Variants in SH3GL2 observed in about 807,000 individuals in gnomAD.
The protein encoded by SH3GL2 is SH3 domain containing GRB2 like 2, endophilin A1, also known as endophilin-A1.
SH3GL2 carries 24 observed loss-of-function variants against 46.0 expected under a neutral mutation model. That is an observed-to-expected ratio of 0.52 (90% CI 0.38 to 0.73). SH3GL2 has a LOEUF of 0.73. Ranked by LOEUF, SH3GL2 falls within the 30% of genes least tolerant of loss-of-function variation. The pLI, the probability that SH3GL2 is intolerant of heterozygous loss-of-function variation, is 0.00. For missense variants in SH3GL2, 413 were observed against 424.2 expected (o/e 0.97, Z 0.23); for synonymous variants, 196 against 147.1 (o/e 1.33, Z -2.40).
At chr9:17,795,518 C>T in intron 8 of SH3GL2, 26 bp from the exon 9 acceptor site, 1 of 1,596,878 alleles carries the variant, frequency 6.3e-7, no homozygotes, top group Non-Finnish European at 8.6e-7. Flanking sequence ...TTGTGTTCTT[C>T]TCTTCTCTCC....
chr9:17,583,056 A>G (rs1245110303), intron 1 of SH3GL2, among the ~76,000 whole-genome samples: 3 of 152,130 alleles, frequency 2.0e-5, no homozygotes, highest in African/African-American at 4.8e-5. Flanking sequence ...ATTCTGAGCT[A>G]TTGTAATTAG....
In SH3GL2 at chr9:17,649,147, G is replaced by C. The variant is rs191742405; in HGVS notation, c.45+69860G>C. Among the ~76,000 whole-genome samples, 186 of 152,306 alleles carry C rather than the reference G, an allele frequency of 1.2e-3. 1 individual carries two copies. Among genetic ancestry groups the C allele is most frequent in the African/African-American group, 4.0e-3 (165 of 41,582 alleles). On this transcript the variant is annotated intron_variant, in intron 1 of 8. Transcript: ENST00000380607. ...AAAGAGTCTTACCCTGTCACCCACA[G>C]TGGACAGTGACATGATCTCAGCTCA...
At chr9:17,789,651 T>C (rs760776688) in intron 6 of SH3GL2, 101 bp downstream of exon 6, 1 of 1,534,492 alleles carries the variant, frequency 6.5e-7, no homozygotes, top group Non-Finnish European at 8.8e-7. Flanking sequence ...CTGATTACAC[T>C]ATGTGATAAG....
chr9:17,661,766 A>G (rs1820222042), intron 1 of SH3GL2, among the ~76,000 whole-genome samples: 1 of 152,208 alleles, frequency 6.6e-6, no homozygotes, highest in South Asian at 2.1e-4. Flanking sequence ...GAAAGGTAGC[A>G]TAGTATAGTG....
intron 1 of SH3GL2, among the ~76,000 whole-genome samples, chr9:17,722,837 G>A (rs1356665474): frequency 6.6e-6 from 1 of 152,074 alleles, no homozygotes; most frequent in Admixed American, 6.6e-5. Flanking sequence ...ATTCCAGTAG[G>A]ATGTGGCAGA....
intron 2 of SH3GL2, among the ~76,000 whole-genome samples, chr9:17,754,451 A>T (rs1330365964): frequency 6.6e-6 from 1 of 152,158 alleles, no homozygotes; most frequent in Non-Finnish European, 1.5e-5. Flanking sequence ...AGGTGGGCAG[A>T]TCATGAGGTC....
intron 1 of SH3GL2, among the ~76,000 whole-genome samples, chr9:17,621,893 A>G (rs1317471918): frequency 2.0e-5 from 3 of 152,114 alleles, no homozygotes; most frequent in Non-Finnish European, 2.9e-5. Context: ...GACTTTTTCT[A>G]CTTTGCCCAA....
chr9:17,592,625 A>G (rs1818505109), intron 1 of SH3GL2, among the ~76,000 whole-genome samples: 1 of 152,174 alleles, frequency 6.6e-6, no homozygotes, highest in Admixed American at 6.5e-5. Context: ...TTCCTCCTTC[A>G]CTAAATTAGA....
Position 17,699,065 on chromosome 9 carries a change from G to C in SH3GL2, c.46-48001G>C, listed in dbSNP as rs145722759. ...AGCTACTTGGGAGGCTGAGGCAGGG[G>C]AATCGCTTGAACCTCAGAGGCAGAG... On this transcript the variant is annotated intron_variant, in intron 1 of 8. Transcript: ENST00000380607. Among the ~76,000 whole-genome samples, 445 of 149,742 alleles carry C rather than the reference G, an allele frequency of 3.0e-3. 8 individuals carry two copies. Among genetic ancestry groups the C allele is most frequent in the African/African-American group, 9.9e-3 (405 of 40,756 alleles).
intron 1 of SH3GL2, among the ~76,000 whole-genome samples, chr9:17,693,824 A>G (rs774206409): frequency 6.6e-6 from 1 of 152,196 alleles, no homozygotes; most frequent in African/African-American, 2.4e-5. Flanking sequence ...ATAGACACTG[A>G]ACATCAGTAC....
At chr9:17,611,828 C>A (rs538657722) in intron 1 of SH3GL2, among the ~76,000 whole-genome samples, 1 of 152,192 alleles carries the variant, frequency 6.6e-6, no homozygotes, top group South Asian at 2.1e-4. Context: ...ACTTGCTGGC[C>A]CCAGGTCTGC....
At position 17,790,577 on chromosome 9, in the gene SH3GL2, C is replaced by T. The variant is rs868385354; in HGVS notation, c.625-654C>T. Among the ~76,000 whole-genome samples, 8 of 152,300 alleles carry T rather than the reference C, an allele frequency of 5.3e-5. No individual in the cohort carries two copies. The South Asian group carries it at 1.7e-3, about 32-fold the overall frequency. ...AGTGCTCCTTCCCTGCAACACAGCA[C>T]CCCTCCCCATCCCCAAATTCATGGG... On this transcript the variant is annotated intron_variant, in intron 6 of 8. Coordinates refer to ENST00000380607, the MANE Select transcript of SH3GL2 (RefSeq NM_003026.5).
At chr9:17,682,446 A>T (rs978433708) in intron 1 of SH3GL2, among the ~76,000 whole-genome samples, 4 of 152,082 alleles carry the variant, frequency 2.6e-5, no homozygotes, top group Non-Finnish European at 5.9e-5. Context: ...ATCCTCAGCA[A>T]ACTCACACAG....
intron 1 of SH3GL2, among the ~76,000 whole-genome samples, chr9:17,729,387 CA>C (rs35763335): frequency 1.3e-5 from 2 of 152,058 alleles, no homozygotes; most frequent in East Asian, 3.9e-4. Context: ...GGATAGATTG[CA>C]AAAATTTTCC....
chr9:17,660,063 T>G (rs1189711629), intron 1 of SH3GL2, among the ~76,000 whole-genome samples: 2 of 152,180 alleles, frequency 1.3e-5, no homozygotes, highest in Admixed American at 6.5e-5. Flanking sequence ...ACAACTTTAT[T>G]TAGTGTCTTT....
chr9:17,770,551 T>A (rs116490692), intron 3 of SH3GL2, among the ~76,000 whole-genome samples: 129 of 152,208 alleles, frequency 8.5e-4, no homozygotes, highest in African/African-American at 2.9e-3. Context: ...CCAATAAATA[T>A]GGCAAAGGTA....
At position 17,615,625 on chromosome 9, in the gene SH3GL2, A is replaced by G. The variant is rs533284393; in HGVS notation, c.45+36338A>G. Among the ~76,000 whole-genome samples, 4 of 140,982 alleles carry G rather than the reference A, an allele frequency of 2.8e-5. No homozygotes were observed. The East Asian group carries it at 6.9e-4, about 24-fold the overall frequency. 92.5% of individuals were successfully genotyped at this position (140,982 alleles called of 152,430 possible). On this transcript the variant is annotated intron_variant, in intron 1 of 8. Transcript: ENST00000380607. ...AGCCGAGATTGCGCCACTGCACTCC[A>G]GCCCGGGTGACCGACAGAGCGAGAC...
At chr9:17,624,153 G>A (rs78052987) in intron 1 of SH3GL2, among the ~76,000 whole-genome samples, 22,558 of 152,198 alleles carry the variant, frequency 0.15, 1,708 homozygotes, top group Middle Eastern at 0.23. Flanking sequence ...GATTCAGGGT[G>A]ATGCAATCTC....
At chr9:17,603,597 A>T (rs1818709227) in intron 1 of SH3GL2, among the ~76,000 whole-genome samples, 1 of 151,896 alleles carries the variant, frequency 6.6e-6, no homozygotes, top group Non-Finnish European at 1.5e-5. Context: ...GTGGTGGCTC[A>T]CTCCTGTAAT....
Sources: gnomAD v4.1 joint callset for allele counts (sites outside exome capture counted in the v4.1 genomes callset) on GRCh38, gnomAD v4.1.1 for gene constraint, MANE v1.5 for transcripts, NCBI Gene and HGNC (gene_info 2026-07-23, HGNC 2026-07-21) for gene names.